ELMO1: variants seen among roughly 807,000 people sequenced by gnomAD.
ELMO1 encodes the protein engulfment and cell motility protein 1.
A neutral mutation model predicts 98.9 loss-of-function variants in ELMO1; 26 were observed. That is an observed-to-expected ratio of 0.26 (90% CI 0.19 to 0.36). The LOEUF (loss-of-function observed/expected upper bound fraction) is 0.36, where lower values mean the gene tolerates loss of function less well. Among genes scored for constraint, ELMO1 ranks in the 10% least tolerant of loss-of-function variants. ELMO1 has a pLI of 1.00. For missense variants in ELMO1, 627 were observed against 935.2 expected, an observed-to-expected ratio of 0.67 and a Z score of 4.30; for synonymous variants, 346 against 346.0, an observed-to-expected ratio of 1.00 and a Z score of 0.00.
intron 5 of ELMO1, chr7:37,269,324 T>C (rs1361312253): frequency 6.6e-6 from 1 of 152,182 alleles, no homozygotes; most frequent in Admixed American, 6.5e-5. Context: ...AGCCTCTCTA[T>C]TAAGGCCCCA....
chr7:36,947,974 T>C (rs1787640886), intron 16 of ELMO1, among the ~76,000 whole-genome samples: 1 of 152,228 alleles, frequency 6.6e-6, no homozygotes, highest in African/African-American at 2.4e-5. Flanking sequence ...TGACATAAGC[T>C]AGGCAAACAC....
chr7:37,113,480 A>C (rs1271946146), intron 14 of ELMO1, among the ~76,000 whole-genome samples: 4 of 152,202 alleles, frequency 2.6e-5, no homozygotes, highest in African/African-American at 7.2e-5. Context: ...TCAGTACTTT[A>C]TATCTGGAGG....
At chr7:37,055,564 C>A (rs1240179234) in intron 15 of ELMO1, among the ~76,000 whole-genome samples, 2 of 152,188 alleles carry the variant, frequency 1.3e-5, no homozygotes, top group Non-Finnish European at 2.9e-5. Flanking sequence ...TTTGCAGGAT[C>A]TGCCCCAATC....
intron 1 of ELMO1, among the ~76,000 whole-genome samples, chr7:37,439,884 T>A (rs1394200761): frequency 6.6e-6 from 1 of 152,204 alleles, no homozygotes; most frequent in Non-Finnish European, 1.5e-5. Flanking sequence ...TTGTGCTGAC[T>A]TACTATAAAA....
chr7:37,393,449 A>T (rs1803166807), intron 1 of ELMO1, among the ~76,000 whole-genome samples: 1 of 152,238 alleles, frequency 6.6e-6, no homozygotes. Context: ...TCCCAATAAT[A>T]GTACTTTATA....
intron 16 of ELMO1, among the ~76,000 whole-genome samples, chr7:36,951,179 C>T (rs1466180140): frequency 1.3e-5 from 2 of 152,186 alleles, no homozygotes; most frequent in Non-Finnish European, 2.9e-5. Flanking sequence ...TTAAGCCACT[C>T]CAATCTATTC....
intron 7 of ELMO1, among the ~76,000 whole-genome samples, chr7:37,242,349 T>G (rs915369124): frequency 2.0e-5 from 3 of 152,222 alleles, no homozygotes; most frequent in Admixed American, 2.0e-4. Flanking sequence ...GTGCATTCAT[T>G]ACACTCATAC....
chr7:37,220,735 C>T (rs562839016), intron 10 of ELMO1, among the ~76,000 whole-genome samples: 2 of 152,294 alleles, frequency 1.3e-5, no homozygotes, highest in East Asian at 3.8e-4. Context: ...TTACTCATGT[C>T]TAGATTCAGA....
At chr7:37,441,678 G>A (rs1191638848) in intron 1 of ELMO1, among the ~76,000 whole-genome samples, 38 of 152,196 alleles carry the variant, frequency 2.5e-4, no homozygotes, top group Admixed American at 2.5e-3. Context: ...AGTTAAGGCA[G>A]TAACCAGTGG....
chr7:37,145,746 T>C (rs1456209041), intron 13 of ELMO1, among the ~76,000 whole-genome samples: 1 of 152,246 alleles, frequency 6.6e-6, no homozygotes, highest in Non-Finnish European at 1.5e-5. Flanking sequence ...AATATTTGTG[T>C]TATAATAGCG....
At chr7:37,379,580 G>T (rs549305489) in intron 1 of ELMO1, among the ~76,000 whole-genome samples, 6 of 152,020 alleles carry the variant, frequency 3.9e-5, no homozygotes, top group Admixed American at 2.6e-4. Context: ...TCATAGAACT[G>T]GTCATAATTT....
In ELMO1 at chr7:37,059,550, C is replaced by A. The variant is rs534583458; in HGVS notation, c.1300+37069G>T. On this transcript the variant is annotated intron_variant, in intron 15 of 21. Coordinates refer to ENST00000310758, the MANE Select transcript of ELMO1 (RefSeq NM_014800.11). ...GTATGAACTGCCATCAATAATATCT[C>A]ACAGAGCCAAAAATCATTCACTGTT... Among the ~76,000 whole-genome samples, 207 of 152,100 alleles carry A rather than the reference C, an allele frequency of 1.4e-3. 2 individuals carry two copies. Among genetic ancestry groups the A allele is most frequent in the Middle Eastern group, 6.8e-3 (2 of 294 alleles).
intron 13 of ELMO1, among the ~76,000 whole-genome samples, chr7:37,161,539 C>T (rs1318322054): frequency 6.6e-6 from 1 of 152,042 alleles, no homozygotes; most frequent in African/African-American, 2.4e-5. Flanking sequence ...AGTCTCCCAC[C>T]CGGATGGTCA....
At chr7:37,253,223 C>A (rs1467531303) in intron 6 of ELMO1, among the ~76,000 whole-genome samples, 10 of 152,192 alleles carry the variant, frequency 6.6e-5, no homozygotes, top group Admixed American at 6.5e-4. Flanking sequence ...AATCCCATTA[C>A]TGGGTATATA....
rs1270189733 is a variant in ELMO1 at position 37,071,890 on chromosome 7, A to ACACACACGCACACGTG, written c.1300+24713_1300+24728dup. Among the ~76,000 whole-genome samples the ACACACACGCACACGTG allele has an allele frequency of 1.3e-3, 198 of 152,240 alleles. 3 individuals carry two copies. The highest frequency in any genetic ancestry group is 4.6e-3 in the South Asian group (22 of 4,816). On this transcript the variant is annotated intron_variant, in intron 15 of 21. Transcript: ENST00000310758. Reference sequence around the variant, plus strand: ...GGAATATTATCTAGCTTTTAAATACACACACACGCACACGTGCACACACGC... The same window carrying ACACACACGCACACGTG: ...GGAATATTATCTAGCTTTTAAATACACACACACGCACACGTGCACACACGCACACGTGCACACACGC...
chr7:37,414,410 G>T (rs940034697), intron 1 of ELMO1, among the ~76,000 whole-genome samples: 9 of 152,230 alleles, frequency 5.9e-5, no homozygotes, highest in African/African-American at 2.2e-4. Flanking sequence ...GTGGAGAAGA[G>T]AGAGGACGGA....
In ELMO1 at chr7:37,343,542, C is replaced by T. The variant is rs562523539; in HGVS notation, c.-73-779G>A. On this transcript the variant is annotated intron_variant, in intron 1 of 21. Coordinates refer to ENST00000310758, the MANE Select transcript of ELMO1 (RefSeq NM_014800.11). ...AGAGCCTGGTTCTGTTGCCCAGTGG[C>T]GCAATTTTGGCTCACTGCAACCTCC... Among the ~76,000 whole-genome samples the T allele has an allele frequency of 2.6e-3, 350 of 135,782 alleles. 2 individuals carry two copies. Among genetic ancestry groups the T allele is most frequent in the African/African-American group, 9.2e-3 (330 of 35,684 alleles). 89.1% of individuals were successfully genotyped at this position (135,782 alleles called of 152,430 possible).
intron 16 of ELMO1, among the ~76,000 whole-genome samples, chr7:36,971,264 G>C (rs1789925347): frequency 6.6e-6 from 1 of 152,232 alleles, no homozygotes; most frequent in South Asian, 2.1e-4. Context: ...GTGCTTTGTG[G>C]AGGCGAGAGA....
chr7:37,249,670 C>T (rs1464187915), intron 6 of ELMO1, among the ~76,000 whole-genome samples: 1 of 152,172 alleles, frequency 6.6e-6, no homozygotes. Context: ...AGCTATTGGG[C>T]TATTCTTATT....
Sources: gnomAD v4.1 joint callset for allele counts (sites outside exome capture counted in the v4.1 genomes callset) on GRCh38, gnomAD v4.1.1 for gene constraint, MANE v1.5 for transcripts, NCBI Gene and HGNC (gene_info 2026-07-23, HGNC 2026-07-21) for gene names.